AP3B1: variants seen among roughly 807,000 people sequenced by gnomAD.
AP3B1 encodes AP-3 complex subunit beta-1.
AP3B1 carries 61 observed loss-of-function variants against 132.5 expected under a neutral mutation model. The ratio of observed to expected loss-of-function variants is 0.46; its 90% CI spans 0.37 to 0.57. The LOEUF (loss-of-function observed/expected upper bound fraction) is 0.57. AP3B1 is among the 20% of genes least tolerant of loss of function. The pLI is 0.00. For missense variants in AP3B1, 1,120 were observed against 1,289.4 expected, an observed-to-expected ratio of 0.87 and a Z score of 2.01; for synonymous variants, 388 against 438.3, an observed-to-expected ratio of 0.89 and a Z score of 1.43.
chr5:78,135,389 C>T (rs138268227), intron 15 of AP3B1, among the ~76,000 whole-genome samples: 250 of 151,998 alleles, frequency 1.6e-3, no homozygotes, highest in African/African-American at 5.9e-3. Context: ...CAAAAACAAC[C>T]ATACATTGCT....
chr5:78,196,774 G>A (rs1206559318), intron 7 of AP3B1, among the ~76,000 whole-genome samples: 1 of 152,146 alleles, frequency 6.6e-6, no homozygotes, highest in Non-Finnish European at 1.5e-5. Context: ...AATCTGAATA[G>A]GTTACATATT....
At chr5:78,186,305 T>C (rs754075460) in intron 7 of AP3B1, among the ~76,000 whole-genome samples, 1 of 152,222 alleles carries the variant, frequency 6.6e-6, no homozygotes, top group Non-Finnish European at 1.5e-5. Flanking sequence ...AAGGACATTA[T>C]AGAATGACAA....
chr5:78,275,053 T>C (rs1195649699), intron 1 of AP3B1, among the ~76,000 whole-genome samples: 2 of 152,174 alleles, frequency 1.3e-5, no homozygotes, highest in Non-Finnish European at 2.9e-5. Context: ...TATTGCACAA[T>C]GAAAGCATCT....
chr5:78,095,272 T>G (rs1750723170), intron 21 of AP3B1, among the ~76,000 whole-genome samples: 1 of 152,242 alleles, frequency 6.6e-6, no homozygotes, highest in African/African-American at 2.4e-5. Context: ...CTTGCAGTCT[T>G]CCTGGTATGC....
chr5:78,233,849 C>T (rs1345829116), intron 3 of AP3B1, among the ~76,000 whole-genome samples: 2 of 152,102 alleles, frequency 1.3e-5, no homozygotes, highest in Non-Finnish European at 2.9e-5. Context: ...GGGCATGTTC[C>T]TAACTACTAC....
At chr5:78,174,658 C>T (rs1343474766) in intron 11 of AP3B1, among the ~76,000 whole-genome samples, 2 of 152,230 alleles carry the variant, frequency 1.3e-5, no homozygotes, top group Admixed American at 1.3e-4. Context: ...GGAGGTGTCT[C>T]CCAGTTAGGC....
chr5:78,105,575 G>A (rs1318997829), intron 20 of AP3B1, among the ~76,000 whole-genome samples: 1 of 151,908 alleles, frequency 6.6e-6, no homozygotes, highest in African/African-American at 2.4e-5. Flanking sequence ...CCTTTACATT[G>A]TGTAAAGTAT....
intron 22 of AP3B1, among the ~76,000 whole-genome samples, chr5:78,088,430 G>C (rs1172655881): frequency 6.6e-6 from 1 of 152,174 alleles, no homozygotes; most frequent in Non-Finnish European, 1.5e-5. Flanking sequence ...ATGTTGAACA[G>C]AAATGCAGAT....
intron 7 of AP3B1, among the ~76,000 whole-genome samples, chr5:78,197,018 G>A (rs1368790497): frequency 6.6e-6 from 1 of 152,084 alleles, no homozygotes; most frequent in Non-Finnish European, 1.5e-5. Context: ...TGTAAACTGT[G>A]GACTTTGGGT....
chr5:78,155,762 G>T (rs543793883), intron 14 of AP3B1, among the ~76,000 whole-genome samples: 1 of 152,012 alleles, frequency 6.6e-6, no homozygotes, highest in East Asian at 1.9e-4. Context: ...AAGGGGTGAT[G>T]AAAATGTCCT....
rs116963265 is a variant in AP3B1, at chr5:78,043,875, G to A, written c.2578-4601C>T. The A allele has an allele frequency of 4.5e-5, 16 of 359,206 alleles. No homozygotes were observed. The East Asian group carries it at 1.2e-3, about 26-fold the overall frequency. The allele number at this position is 359,206 out of a possible 1,614,324, so 22.3% of individuals were successfully genotyped here. On this transcript the variant is annotated intron_variant, in intron 22 of 26. Transcript: ENST00000255194. ...AGACACAGGCATTGACATGACCAAGGCTGATCTCCTAATTTGGGAACCATT... is the reference window on the plus strand; with the variant it reads ...AGACACAGGCATTGACATGACCAAGACTGATCTCCTAATTTGGGAACCATT...
At chr5:78,091,502 C>T (rs1047259022) in intron 21 of AP3B1, among the ~76,000 whole-genome samples, 1 of 152,004 alleles carries the variant, frequency 6.6e-6, no homozygotes, top group African/African-American at 2.4e-5. Flanking sequence ...CTGAAAACCC[C>T]GGTACAGTTT....
At chr5:78,261,247 T>A (rs1003454662) in intron 2 of AP3B1, among the ~76,000 whole-genome samples, 1 of 152,188 alleles carries the variant, frequency 6.6e-6, no homozygotes, top group African/African-American at 2.4e-5. Flanking sequence ...AGAGTTCTTA[T>A]TTCTCTACCC....
chr5:78,191,602 T>C (rs1261622564), intron 7 of AP3B1, among the ~76,000 whole-genome samples: 1 of 152,078 alleles, frequency 6.6e-6, no homozygotes, highest in South Asian at 2.1e-4. Context: ...ATAATTGAGG[T>C]GATAAGTGAA....
At chr5:78,199,867 A>T (rs1287756425) in intron 7 of AP3B1, among the ~76,000 whole-genome samples, 1 of 152,212 alleles carries the variant, frequency 6.6e-6, no homozygotes, top group South Asian at 2.1e-4. Context: ...AAATAATTGG[A>T]ATATAAAAGG....
At chr5:78,107,774 A>G (rs1751398364) in intron 20 of AP3B1, among the ~76,000 whole-genome samples, 1 of 151,386 alleles carries the variant, frequency 6.6e-6, no homozygotes, top group African/African-American at 2.4e-5. Flanking sequence ...AAAAAGAGTG[A>G]AAAAAAAAGA....
intron 22 of AP3B1, among the ~76,000 whole-genome samples, chr5:78,045,833 G>T (rs925806174): frequency 5.9e-5 from 9 of 152,344 alleles, no homozygotes; most frequent in African/African-American, 2.2e-4. Flanking sequence ...AAAAAGGGAA[G>T]ATTTAATAAG....
chr5:78,082,834 A>C (rs1317872156), intron 22 of AP3B1, among the ~76,000 whole-genome samples: 1 of 148,598 alleles, frequency 6.7e-6, no homozygotes, highest in Non-Finnish European at 1.5e-5. Flanking sequence ...TTTTTTTTTT[A>C]GACGGAGTTT....
chr5:78,270,428 G>A (rs1262248972), intron 1 of AP3B1, among the ~76,000 whole-genome samples: 4 of 152,070 alleles, frequency 2.6e-5, no homozygotes, highest in African/African-American at 9.7e-5. Context: ...ATCATGGACT[G>A]GAAAAGTGAT....
Sources: gnomAD v4.1 joint callset for allele counts (sites outside exome capture counted in the v4.1 genomes callset) on GRCh38, gnomAD v4.1.1 for gene constraint, MANE v1.5 for transcripts, NCBI Gene and HGNC (gene_info 2026-07-23, HGNC 2026-07-21) for gene names.